Variants in SUPT3H observed in about 807,000 individuals in gnomAD.
The protein encoded by SUPT3H is transcription initiation protein SPT3 homolog.
In SUPT3H, 44 loss-of-function variants were observed where a neutral mutation model predicts 44.3. The observed-to-expected ratio is 0.99, with a 90% CI of 0.78 to 1.28. SUPT3H has a LOEUF of 1.28. Among genes scored for constraint, SUPT3H ranks in the 50% most tolerant of loss-of-function variants. The pLI, the probability that SUPT3H is intolerant of heterozygous loss-of-function variation, is 0.00. For missense variants in SUPT3H, 380 were observed against 387.1 expected (o/e 0.98, Z 0.15); for synonymous variants, 124 against 125.6 (o/e 0.99, Z 0.09).
chr6:45,233,658 G>A (rs1768498767), intron 2 of SUPT3H, among the ~76,000 whole-genome samples: 1 of 152,162 alleles, frequency 6.6e-6, no homozygotes, highest in African/African-American at 2.4e-5. Flanking sequence ...TGTTTCCTGT[G>A]ACTTCTCTGT....
rs6910497 is a variant in SUPT3H, at chr6:44,985,719, T to C, written c.504+17934A>G. Among the ~76,000 whole-genome samples the C allele has an allele frequency of 4.0e-3, 604 of 152,284 alleles. 6 individuals carry two copies. Among genetic ancestry groups the C allele is most frequent in the African/African-American group, 0.014 (579 of 41,564 alleles). On this transcript the variant is annotated intron_variant, in intron 6 of 10. Transcript: ENST00000371459. ...ACTTTATTTCTGAAATCTTCTCAAC[T>C]TCTTAGCATCTCTCTCTAGAATTTT...
chr6:44,945,183 C>A (rs1773145965), intron 9 of SUPT3H, among the ~76,000 whole-genome samples: 1 of 152,090 alleles, frequency 6.6e-6, no homozygotes. Context: ...TATGAGATAG[C>A]AAATTTAATA....
intron 2 of SUPT3H, among the ~76,000 whole-genome samples, chr6:45,180,029 C>T (rs1327412508): frequency 6.6e-6 from 1 of 151,692 alleles, no homozygotes; most frequent in East Asian, 1.9e-4. Flanking sequence ...TCTCAGGATA[C>T]AAAATTAATG....
At chr6:45,282,464 T>A (rs1483882727) in intron 2 of SUPT3H, among the ~76,000 whole-genome samples, 2 of 152,056 alleles carry the variant, frequency 1.3e-5, no homozygotes, top group African/African-American at 2.4e-5. Context: ...GCCGATTCGA[T>A]CAACTGGAAG....
At chr6:44,979,863 C>A (rs573922365) in intron 6 of SUPT3H, among the ~76,000 whole-genome samples, 20 of 152,238 alleles carry the variant, frequency 1.3e-4, no homozygotes, top group African/African-American at 4.8e-4. Context: ...AAGTTCTTTC[C>A]ATTTACCAAA....
chr6:45,186,279 C>T (rs1814197482), intron 2 of SUPT3H, among the ~76,000 whole-genome samples: 1 of 151,804 alleles, frequency 6.6e-6, no homozygotes, highest in Admixed American at 6.6e-5. Context: ...TCCCAAGAAC[C>T]AGGAAATCAT....
intron 3 of SUPT3H, among the ~76,000 whole-genome samples, chr6:45,037,212 T>C (rs1215702438): frequency 1.3e-5 from 2 of 151,858 alleles, no homozygotes; most frequent in Non-Finnish European, 2.9e-5. Flanking sequence ...ATAAATTAAC[T>C]GAAAATTATG....
intron 2 of SUPT3H, among the ~76,000 whole-genome samples, chr6:45,359,049 A>G (rs1260513671): frequency 1.3e-5 from 2 of 152,180 alleles, no homozygotes; most frequent in African/African-American, 2.4e-5. Context: ...TCAAGAATTC[A>G]TTTCTGTAAG....
At chr6:44,928,022 T>C (rs1267550828) in intron 10 of SUPT3H, among the ~76,000 whole-genome samples, 1 of 152,204 alleles carries the variant, frequency 6.6e-6, no homozygotes, top group Admixed American at 6.5e-5. Context: ...TTACAGTACT[T>C]CTTAAATCCT....
chr6:44,833,704 T>C (rs1769289135), intron 10 of SUPT3H, among the ~76,000 whole-genome samples: 1 of 152,134 alleles, frequency 6.6e-6, no homozygotes, highest in South Asian at 2.1e-4. Flanking sequence ...AGAGTAGATT[T>C]TGGATTTAAA....
At chr6:44,863,149 T>C (rs1774935725) in intron 10 of SUPT3H, among the ~76,000 whole-genome samples, 1 of 152,222 alleles carries the variant, frequency 6.6e-6, no homozygotes. Context: ...TTGCAGAATG[T>C]ATGTATATCT....
intron 6 of SUPT3H, among the ~76,000 whole-genome samples, chr6:44,991,357 C>T (rs553626151): frequency 6.6e-5 from 10 of 152,198 alleles, no homozygotes; most frequent in African/African-American, 2.2e-4. Flanking sequence ...GGAATTAAGA[C>T]TGCTCTCTAG....
At chr6:44,988,840 A>G (rs368280024) in intron 6 of SUPT3H, among the ~76,000 whole-genome samples, 1 of 152,140 alleles carries the variant, frequency 6.6e-6, no homozygotes, top group Non-Finnish European at 1.5e-5. Context: ...CAAACACTGG[A>G]TAATTCTTGG....
rs16872725 is a variant in SUPT3H, at chr6:44,848,937, C to T, written c.913-19080G>A. ...AAGGAAATCAGAAGTGAATAAGAGA[C>T]GACTTTCTTTTTAAAGGCATTTTAG... is the stretch of plus-strand genomic sequence containing the variant. On this transcript the variant is annotated intron_variant, in intron 10 of 10. Transcript: ENST00000371459. Among the ~76,000 whole-genome samples, 683 of 152,286 alleles carry T rather than the reference C, an allele frequency of 4.5e-3. 8 individuals carry two copies. The highest frequency in any genetic ancestry group is 0.015 in the African/African-American group (637 of 41,560).
At chr6:45,114,040 A>ATGTG (rs1407869522) in intron 2 of SUPT3H, among the ~76,000 whole-genome samples, 1 of 152,036 alleles carries the variant, frequency 6.6e-6, no homozygotes, top group Non-Finnish European at 1.5e-5. Context: ...AGATATATAA[A>ATGTG]AAGCAAAATT....
intron 6 of SUPT3H, among the ~76,000 whole-genome samples, chr6:44,965,538 T>C (rs1458268570): frequency 6.6e-6 from 1 of 152,198 alleles, no homozygotes; most frequent in Non-Finnish European, 1.5e-5. Flanking sequence ...GAAGATGATC[T>C]GGATATGCTT....
chr6:44,876,836 G>GAAA lies in SUPT3H; in HGVS notation c.913-46982_913-46980dup, dbSNP rs200454659. 4.1e-3 allele frequency among the ~76,000 whole-genome samples: 377 copies of GAAA among 92,210 alleles called. 5 individuals carry two copies. The highest frequency in any genetic ancestry group is 0.029 in the Middle Eastern group (5 of 174). 60.5% of individuals were successfully genotyped at this position (92,210 alleles called of 152,430 possible). Reference sequence around the variant, plus strand: ...ACAATAAAAATAAAGATCTTCAATTGAAAAAAAAAAAAAAGAAAAAGAAAA... The same window carrying GAAA: ...ACAATAAAAATAAAGATCTTCAATTGAAAAAAAAAAAAAAAAAGAAAAAGAAAA... On this transcript the variant is annotated intron_variant, in intron 10 of 10. Transcript: ENST00000371459.
At chr6:45,308,154 AG>A (rs1302501564) in intron 2 of SUPT3H, among the ~76,000 whole-genome samples, 5 of 152,220 alleles carry the variant, frequency 3.3e-5, no homozygotes, top group African/African-American at 1.2e-4. Context: ...TGAAAGTGAC[AG>A]GGAGAATGGA....
At chr6:45,367,814 T>C (rs768514592) in intron 1 of SUPT3H, among the ~76,000 whole-genome samples, 6 of 152,198 alleles carry the variant, frequency 3.9e-5, no homozygotes, top group Non-Finnish European at 8.8e-5. Flanking sequence ...TAGTTTATTA[T>C]AACCATGATC....
Sources: gnomAD v4.1 joint callset for allele counts (sites outside exome capture counted in the v4.1 genomes callset) on GRCh38, gnomAD v4.1.1 for gene constraint, MANE v1.5 for transcripts, NCBI Gene and HGNC (gene_info 2026-07-23, HGNC 2026-07-21) for gene names.